ADCY8: variants seen among roughly 807,000 people sequenced by gnomAD.
ADCY8 encodes adenylate cyclase 8, also known as adenylate cyclase type 8.
ADCY8 carries 51 observed loss-of-function variants against 119.7 expected under a neutral mutation model. The observed-to-expected ratio is 0.43, with a 90% CI of 0.34 to 0.54. ADCY8 has a LOEUF of 0.54. Ranked by LOEUF, ADCY8 falls within the 20% of genes least tolerant of loss-of-function variation. The pLI is 0.03. For missense variants in ADCY8, 1,383 were observed against 1,598.8 expected (o/e 0.87, Z 2.30); for synonymous variants, 665 against 651.0 (o/e 1.02, Z -0.33).
chr8:130,877,433 C>G (rs1387855971), intron 8 of ADCY8, among the ~76,000 whole-genome samples: 1 of 152,140 alleles, frequency 6.6e-6, no homozygotes, highest in African/African-American at 2.4e-5. Context: ...ATGGACTTCC[C>G]AAGAATCAAT....
intron 1 of ADCY8, among the ~76,000 whole-genome samples, chr8:131,034,465 T>A (rs959297459): frequency 3.3e-5 from 5 of 151,952 alleles, no homozygotes; most frequent in African/African-American, 7.3e-5. Flanking sequence ...GAAAAAAAAA[T>A]TTCCCCTAAA....
chr8:130,800,676 A>C, intron 14 of ADCY8, 104 bp from the exon 15 acceptor site: 1 of 1,234,652 alleles, frequency 8.1e-7, no homozygotes, highest in Non-Finnish European at 1.1e-6. Flanking sequence ...ACAGTCACCC[A>C]CAGAGAGACA....
intron 12 of ADCY8, among the ~76,000 whole-genome samples, chr8:130,831,822 A>C (rs1338220526): frequency 6.6e-6 from 1 of 152,168 alleles, no homozygotes; most frequent in Non-Finnish European, 1.5e-5. Context: ...CAGTCCAGAG[A>C]TGAGAGTGAG....
intron 12 of ADCY8, among the ~76,000 whole-genome samples, chr8:130,832,331 A>T (rs1281856976): frequency 6.6e-6 from 1 of 152,184 alleles, no homozygotes; most frequent in African/African-American, 2.4e-5. Context: ...CCCAATGAAG[A>T]TGCGGCCAGG....
intron 9 of ADCY8, among the ~76,000 whole-genome samples, chr8:130,851,784 G>C (rs1443875675): frequency 6.6e-6 from 1 of 152,144 alleles, no homozygotes; most frequent in Non-Finnish European, 1.5e-5. Context: ...GTTTTTTATT[G>C]TAACTGGTAA....
chr8:131,023,601 C>G (rs754244791), intron 1 of ADCY8, among the ~76,000 whole-genome samples: 1 of 152,082 alleles, frequency 6.6e-6, no homozygotes, highest in Non-Finnish European at 1.5e-5. Flanking sequence ...ATCTTTTGTT[C>G]GTCCTATTTG....
chr8:130,965,375 G>T (rs1358965073), intron 2 of ADCY8, among the ~76,000 whole-genome samples: 1 of 152,058 alleles, frequency 6.6e-6, no homozygotes, highest in African/African-American at 2.4e-5. Flanking sequence ...CTACCTGTTG[G>T]GTACTATGCT....
intron 1 of ADCY8, among the ~76,000 whole-genome samples, chr8:130,992,401 A>G (rs1822615421): frequency 3.0e-4 from 10 of 33,376 alleles, no homozygotes; most frequent in African/African-American, 9.4e-4. Flanking sequence ...ATATATATAT[A>G]TATATATATA....
intron 1 of ADCY8, among the ~76,000 whole-genome samples, chr8:131,035,292 C>T (rs1029470617): frequency 6.6e-6 from 1 of 152,102 alleles, no homozygotes; most frequent in Non-Finnish European, 1.5e-5. Context: ...ATAAAAGGAA[C>T]CCTTCAAACT....
chr8:130,800,670 T>G (rs112136391), intron 14 of ADCY8, 98 bp from the exon 15 acceptor site: 173,867 of 1,314,342 alleles, frequency 0.13, 13,437 homozygotes, highest in African/African-American at 0.32. Context: ...ACGTGCACAG[T>G]CACCCACAGA....
chr8:130,797,549 C>G (rs1815623154), intron 15 of ADCY8, among the ~76,000 whole-genome samples: 1 of 152,206 alleles, frequency 6.6e-6, no homozygotes, highest in Non-Finnish European at 1.5e-5. Flanking sequence ...ATGTCCATCT[C>G]TTATGTGCTA....
chr8:130,905,209 GTCA>G (rs1348554178), intron 6 of ADCY8, among the ~76,000 whole-genome samples: 1 of 152,178 alleles, frequency 6.6e-6, no homozygotes, highest in Non-Finnish European at 1.5e-5. Context: ...AAATGCCATT[GTCA>G]TCATATTACT....
At chr8:130,858,858 T>C (rs962250541) in intron 9 of ADCY8, among the ~76,000 whole-genome samples, 1 of 152,156 alleles carries the variant, frequency 6.6e-6, no homozygotes, top group African/African-American at 2.4e-5. Context: ...GGCTCTTTTG[T>C]TGGTTCCTGT....
chr8:130,871,946 A>G (rs2130411929), intron 8 of ADCY8, among the ~76,000 whole-genome samples: 1 of 152,204 alleles, frequency 6.6e-6, no homozygotes, highest in East Asian at 1.9e-4. Flanking sequence ...TGGCAATCAC[A>G]CACACACACA....
At chr8:130,851,456 C>A (rs1817525349) in intron 9 of ADCY8, among the ~76,000 whole-genome samples, 1 of 151,976 alleles carries the variant, frequency 6.6e-6, no homozygotes, top group Non-Finnish European at 1.5e-5. Flanking sequence ...TGGGAGTGAC[C>A]AGTGTCTTCA....
rs1465977318 is a variant in ADCY8 at position 130,849,591 on chromosome 8, G to A, written c.2412+11C>T. Reference sequence around the variant, plus strand: ...TAGACACCAGAGGGTTGGTGGATGTGGGATGCTTACGATATTTAAGATGGC... The same window carrying A: ...TAGACACCAGAGGGTTGGTGGATGTAGGATGCTTACGATATTTAAGATGGC... On this transcript the variant is annotated intron_variant, in intron 10 of 17. Transcript: ENST00000286355. The A allele has an allele frequency of 1.2e-6, 2 of 1,613,572 alleles. No homozygotes were observed. The highest frequency in any genetic ancestry group is 1.7e-6 in the Non-Finnish European group (2 of 1,179,588).
chr8:131,016,656 T>G (rs539270504), intron 1 of ADCY8, among the ~76,000 whole-genome samples: 39 of 152,022 alleles, frequency 2.6e-4, no homozygotes, highest in Middle Eastern at 3.4e-3. Context: ...GATGGTACAT[T>G]TAAGGGACTC....
intron 5 of ADCY8, among the ~76,000 whole-genome samples, chr8:130,914,962 C>A (rs368391862): frequency 6.6e-6 from 1 of 152,322 alleles, no homozygotes; most frequent in South Asian, 2.1e-4. Flanking sequence ...AGGCCTTTGG[C>A]TGTCCCAAGA....
intron 5 of ADCY8, among the ~76,000 whole-genome samples, chr8:130,922,254 C>G (rs1188783037): frequency 7.0e-6 from 1 of 143,642 alleles, no homozygotes; most frequent in Non-Finnish European, 1.5e-5. Context: ...GTGTTTCTCA[C>G]AGAGGGGGAT....
Sources: gnomAD v4.1 joint callset for allele counts (sites outside exome capture counted in the v4.1 genomes callset) on GRCh38, gnomAD v4.1.1 for gene constraint, MANE v1.5 for transcripts, NCBI Gene and HGNC (gene_info 2026-07-23, HGNC 2026-07-21) for gene names.